PHF3: variants seen among roughly 807,000 people sequenced by gnomAD.
PHF3 encodes PHD finger protein 3.
Under a neutral mutation model 178.4 loss-of-function variants are expected in PHF3, and 41 were observed. The observed-to-expected ratio is 0.23, with a 90% CI of 0.18 to 0.30. The LOEUF is 0.30. Among genes scored for constraint, PHF3 ranks in the 10% least tolerant of loss-of-function variants. The pLI, the probability that PHF3 is intolerant of heterozygous loss-of-function variation, is 1.00. For missense variants in PHF3, 2,346 were observed against 2,398.1 expected, an observed-to-expected ratio of 0.98 and a Z score of 0.45; for synonymous variants, 842 against 800.5, an observed-to-expected ratio of 1.05 and a Z score of -0.88.
intron 2 of PHF3, among the ~76,000 whole-genome samples, chr6:63,672,655 G>C (rs62412947): frequency 9.4e-4 from 143 of 152,276 alleles, no homozygotes; most frequent in Middle Eastern, 3.4e-3. Context: ...GATATCTACT[G>C]TTAAAGCAAA....
chr6:63,672,624 T>C (rs1339314588), intron 2 of PHF3, among the ~76,000 whole-genome samples: 1 of 152,214 alleles, frequency 6.6e-6, no homozygotes, highest in African/African-American at 2.4e-5. Flanking sequence ...TCCACAGGTA[T>C]GGTTTGTGGT....
rs1288958442 is a variant in PHF3 at position 63,717,851 on chromosome 6, ATTT to A, written c.*4144_*4146del. Among the ~76,000 whole-genome samples the A allele has an allele frequency of 6.6e-6, 1 of 151,984 alleles. No homozygotes were observed. The highest frequency in any genetic ancestry group is 2.4e-5 in the African/African-American group (1 of 41,424). ...TAATGATTTTTTTCAGGAACTTATT[ATTT>A]ATAAGGAGACCAAAAAGGTAAATAT... On this transcript the variant is annotated 3_prime_UTR_variant, in exon 16 of 16. Transcript: ENST00000262043.
rs1247781820 is a variant in PHF3, at chr6:63,680,220, G to GAT, written c.406+59_406+60insAT. On this transcript the variant is annotated intron_variant, in intron 3 of 15. Transcript: ENST00000262043. ...AGAGGTATAGGGACAGATGTGTTAG[G>GAT]TTATAAACCTGCTGAGCAGAAATCA... 5.2e-6 allele frequency: 7 copies of GAT among 1,334,588 alleles called. No homozygotes were observed. In the African/African-American group the frequency reaches 8.8e-5, roughly 17 times the overall value. The allele number at this position is 1,334,588 out of a possible 1,614,324, so 82.7% of individuals were successfully genotyped here.
chr6:63,685,342 T>G lies in PHF3; in HGVS notation c.1620T>G (p.Asn540Lys). 1.2e-6 allele frequency: 2 copies of G among 1,613,840 alleles called. No individual in the cohort carries two copies. The highest frequency in any genetic ancestry group is 1.7e-6 in the Non-Finnish European group (2 of 1,179,968). The stretch of plus-strand genomic sequence containing the variant: ...CTGATGTACCAGAATCTCAGCAAAA[T>G]TTTCATAGGCCAGTCAAAGTCAGAA... ...RNTDVPESQQ[N>K]FHRPVKVRKK... Residue 540 changes from asparagine (N) to lysine (K), a missense_variant, in exon 4 of 16, where the codon AAT becomes AAG. Asn to Lys is a moderately conservative substitution (Grantham distance 94, BLOSUM62 0). Around this residue, in one of 8 missense-constraint regions of PHF3, gnomAD observed 843 missense variants for 795.2 expected, o/e 1.06. Coordinates refer to ENST00000262043, the MANE Select transcript of PHF3 (RefSeq NM_001370348.2).
rs2149623417 is a variant in PHF3 at position 63,720,635 on chromosome 6, G to A, written c.*6927G>A. On this transcript the variant is annotated 3_prime_UTR_variant, in exon 16 of 16. Coordinates refer to ENST00000262043, the MANE Select transcript of PHF3 (RefSeq NM_001370348.2). ...TTTGTTCATCTCCATCATAAACATT[G>A]TATCCTTCTAATTTAATTAGTTCAA... 2 of 1,520,532 alleles carry A rather than the reference G, an allele frequency of 1.3e-6. No homozygotes were observed. The highest frequency in any genetic ancestry group is 1.8e-6 in the Non-Finnish European group (2 of 1,132,440). The allele number at this position is 1,520,532 out of a possible 1,614,324, so 94.2% of individuals were successfully genotyped here.
intron 4 of PHF3, among the ~76,000 whole-genome samples, chr6:63,689,690 G>A (rs1022891766): frequency 1.3e-5 from 2 of 152,058 alleles, no homozygotes; most frequent in African/African-American, 4.8e-5. Flanking sequence ...CTTGAAATGA[G>A]GCTTATTGAA....
At chr6:63,649,242 C>T (rs557474826) in intron 2 of PHF3, among the ~76,000 whole-genome samples, 33 of 152,076 alleles carry the variant, frequency 2.2e-4, no homozygotes, top group Admixed American at 2.2e-3. Flanking sequence ...CTGTGCTTGG[C>T]CTGGGAAATC....
chr6:63,674,090 A>G (rs1387350557), intron 2 of PHF3, among the ~76,000 whole-genome samples: 1 of 152,002 alleles, frequency 6.6e-6, no homozygotes, highest in Admixed American at 6.6e-5. Context: ...TTAATAACTG[A>G]CAAACTTAAA....
At chr6:63,703,729 G>C in intron 11 of PHF3, 58 bp downstream of exon 11, 1 of 1,488,490 alleles carries the variant, frequency 6.7e-7, no homozygotes, top group Non-Finnish European at 9.2e-7. Flanking sequence ...AGGATACTTA[G>C]ATACTAGTAT....
chr6:63,670,681 T>C (rs771762547), intron 2 of PHF3, among the ~76,000 whole-genome samples: 4 of 152,228 alleles, frequency 2.6e-5, no homozygotes, highest in Non-Finnish European at 4.4e-5. Context: ...GATAGAGCCA[T>C]GATATTTTTG....
rs1331443268 is a variant in PHF3, at chr6:63,713,322, C to G, written c.5734C>G (p.Pro1912Ala). 6.2e-7 allele frequency: 1 copy of G among 1,613,954 alleles called. No homozygotes were observed. The highest frequency in any genetic ancestry group is 1.7e-5 in the Admixed American group (1 of 59,964). The change falls in exon 16 of 16, where the codon CCA (proline) becomes GCA (alanine). Residue 1912 changes from proline to alanine, a missense_variant. This residue lies in a region of PHF3 where 839 missense variants were observed against 806.9 expected (regional missense o/e 1.04). Transcript: ENST00000262043. ...GCAAGACCAACAGCAACTGGATAGG[C>G]CATTTAATAGGGGTAAAGGGGACCG... is the stretch of plus-strand genomic sequence containing the variant. ...GRQDQQQLDRPFNRGKGDRQR... is the reference protein window; with the variant it reads ...GRQDQQQLDRAFNRGKGDRQR...
At chr6:63,678,506 G>C (rs1034562969) in intron 2 of PHF3, among the ~76,000 whole-genome samples, 1 of 151,522 alleles carries the variant, frequency 6.6e-6, no homozygotes, top group African/African-American at 2.4e-5. Flanking sequence ...ATAGGAAAAA[G>C]GTATATTCTT....
chr6:63,694,820 T>C, intron 6 of PHF3, 56 bp downstream of exon 6: 4 of 991,412 alleles, frequency 4.0e-6, no homozygotes, highest in Non-Finnish European at 5.3e-6. Flanking sequence ...TTATTTAAGA[T>C]ACAATTAATT....
chr6:63,688,820 G>A (rs1482989559), intron 4 of PHF3, among the ~76,000 whole-genome samples: 2 of 152,154 alleles, frequency 1.3e-5, no homozygotes, highest in Admixed American at 1.3e-4. Flanking sequence ...AAATAATTTT[G>A]ATCCTTCTCT....
intron 2 of PHF3, among the ~76,000 whole-genome samples, chr6:63,653,787 G>A (rs1765119381): frequency 6.6e-6 from 1 of 152,060 alleles, no homozygotes; most frequent in Non-Finnish European, 1.5e-5. Context: ...TGCCTTTATT[G>A]TGTTGAGATA....
rs374373188 is a variant in PHF3 at position 63,701,160 on chromosome 6, C to T, written c.3099+694C>T. On this transcript the variant is annotated intron_variant, in intron 9 of 15. Transcript: ENST00000262043. ...AAATGTGTACAGGCTTATCTCTTATCCAAAGTTTCAAATGCCAAAAGCCCT... is the reference window on the plus strand; with the variant it reads ...AAATGTGTACAGGCTTATCTCTTATTCAAAGTTTCAAATGCCAAAAGCCCT... Among the ~76,000 whole-genome samples the T allele has an allele frequency of 3.4e-4, 52 of 152,210 alleles. No individual in the cohort carries two copies. In the East Asian group the frequency reaches 9.5e-3, roughly 28 times the overall value.
chr6:63,673,151 A>G (rs1195357164), intron 2 of PHF3, among the ~76,000 whole-genome samples: 1 of 151,974 alleles, frequency 6.6e-6, no homozygotes, highest in Non-Finnish European at 1.5e-5. Flanking sequence ...TTGTATTACC[A>G]AATGTGCAGG....
chr6:63,698,740 T>C (rs1012992390), intron 8 of PHF3, 135 bp downstream of exon 8: 21 of 578,048 alleles, frequency 3.6e-5, no homozygotes, highest in Non-Finnish European at 5.7e-5. Flanking sequence ...GAACATGTAA[T>C]TTTAATAGTC....
intron 2 of PHF3, among the ~76,000 whole-genome samples, chr6:63,674,638 G>A (rs1272919751): frequency 6.6e-6 from 1 of 152,030 alleles, no homozygotes; most frequent in African/African-American, 2.4e-5. Context: ...GGGGTAAGGT[G>A]TAGGGGCTCT....
Sources: gnomAD v4.1 joint callset for allele counts (sites outside exome capture counted in the v4.1 genomes callset) on GRCh38, gnomAD v4.1.1 for gene constraint, gnomAD v4.1.1 regional missense constraint, MANE v1.5 for transcripts, NCBI Gene and HGNC (gene_info 2026-07-23, HGNC 2026-07-21) for gene names.